ASIC2: variants seen among roughly 807,000 people sequenced by gnomAD.
ASIC2 encodes the protein acid-sensing ion channel 2.
Under a neutral mutation model 57.3 loss-of-function variants are expected in ASIC2, and 25 were observed. That is an observed-to-expected ratio of 0.44 (90% CI 0.32 to 0.61). ASIC2 has a LOEUF of 0.61. Ranked by LOEUF, ASIC2 falls within the 20% of genes least tolerant of loss-of-function variation. The pLI is 0.06. For synonymous variants in ASIC2, 319 were observed against 307.5 expected (o/e 1.04, Z -0.39); for missense variants, 641 against 738.1 (o/e 0.87, Z 1.52).
intron 1 of ASIC2, among the ~76,000 whole-genome samples, chr17:33,873,575 A>G (rs1276569868): frequency 6.6e-6 from 1 of 152,188 alleles, no homozygotes; most frequent in Non-Finnish European, 1.5e-5. Context: ...TACCTCTCTG[A>G]GCCTCAAAAT....
intron 1 of ASIC2, among the ~76,000 whole-genome samples, chr17:33,123,003 A>G (rs2092309062): frequency 6.6e-6 from 1 of 152,240 alleles, no homozygotes; most frequent in South Asian, 2.1e-4. Flanking sequence ...AGTATTGGTG[A>G]AGACGTAGAG....
At chr17:33,706,928 C>T (rs1366674264) in intron 1 of ASIC2, among the ~76,000 whole-genome samples, 3 of 152,146 alleles carry the variant, frequency 2.0e-5, no homozygotes, top group African/African-American at 4.8e-5. Context: ...TCTCTTTCTT[C>T]GTTGTGCCTC....
At chr17:33,636,730 C>T (rs1038298214) in intron 1 of ASIC2, among the ~76,000 whole-genome samples, 3 of 152,158 alleles carry the variant, frequency 2.0e-5, no homozygotes, top group Non-Finnish European at 2.9e-5. Flanking sequence ...TGCATACACA[C>T]ACAGCACTCA....
intron 1 of ASIC2, chr17:33,581,285 G>A (rs1904431258): frequency 6.6e-6 from 1 of 152,110 alleles, no homozygotes; most frequent in South Asian, 2.1e-4. Flanking sequence ...AGTTGAAAAC[G>A]ACCTAAGTGC....
chr17:34,110,883 T>C (rs1394462655), intron 1 of ASIC2, among the ~76,000 whole-genome samples: 5 of 152,196 alleles, frequency 3.3e-5, no homozygotes, highest in Admixed American at 6.5e-5. Flanking sequence ...TCTTCACTAG[T>C]AAAGGGCACA....
chr17:34,071,055 C>G (rs866509775), intron 1 of ASIC2: 1 of 152,130 alleles, frequency 6.6e-6, no homozygotes, highest in Non-Finnish European at 1.5e-5. Flanking sequence ...ACGTACTTCT[C>G]AGAAGTCCAG....
chr17:33,640,273 TAGAA>T (rs1906518090), intron 1 of ASIC2, among the ~76,000 whole-genome samples: 1 of 152,004 alleles, frequency 6.6e-6, no homozygotes, highest in Admixed American at 6.6e-5. Context: ...GCAAGATATC[TAGAA>T]AGAGAGTATT....
chr17:33,385,025 C>T (rs1390423188), intron 1 of ASIC2, among the ~76,000 whole-genome samples: 1 of 152,214 alleles, frequency 6.6e-6, no homozygotes, highest in Non-Finnish European at 1.5e-5. Context: ...TTATTAGCTG[C>T]ATGGGCTTGA....
At chr17:33,310,744 TG>T (rs1906378534) in intron 1 of ASIC2, among the ~76,000 whole-genome samples, 1 of 152,194 alleles carries the variant, frequency 6.6e-6, no homozygotes, top group African/African-American at 2.4e-5. Flanking sequence ...ATGCACCTGC[TG>T]ATTTCAGTGA....
chr17:33,974,254 T>G, intron 1 of ASIC2, among the ~76,000 whole-genome samples: 1 of 152,084 alleles, frequency 6.6e-6, no homozygotes, highest in East Asian at 1.9e-4. Context: ...CATGAGTAAT[T>G]CCCTCCCAAT....
At chr17:34,021,829 TTTGTTTTG>T in intron 1 of ASIC2, among the ~76,000 whole-genome samples, 1 of 133,214 alleles carries the variant, frequency 7.5e-6, no homozygotes, top group African/African-American at 3.6e-5. Flanking sequence ...GGTTTTGTGT[TTTGTTTTG>T]TTTTTTTTTT....
At chr17:33,044,635 A>G (rs2091944594) in intron 3 of ASIC2, among the ~76,000 whole-genome samples, 1 of 152,232 alleles carries the variant, frequency 6.6e-6, no homozygotes. Context: ...GGTTGGGATT[A>G]CAGGCATGAG....
At chr17:33,855,777 T>C (rs1913911406) in intron 1 of ASIC2, among the ~76,000 whole-genome samples, 1 of 152,156 alleles carries the variant, frequency 6.6e-6, no homozygotes, top group East Asian at 1.9e-4. Context: ...AGATGAAAGA[T>C]TGGGATGATC....
intron 1 of ASIC2, chr17:34,038,628 T>C (rs1907982818): frequency 6.3e-7 from 1 of 1,595,646 alleles, no homozygotes; most frequent in Admixed American, 1.7e-5. Flanking sequence ...ACTTCCCTGA[T>C]ATGTAGTTTT....
intron 1 of ASIC2, among the ~76,000 whole-genome samples, chr17:33,827,272 C>A (rs141107610): frequency 6.7e-6 from 1 of 150,148 alleles, no homozygotes; most frequent in Non-Finnish European, 1.5e-5. Flanking sequence ...GAGACAAAGA[C>A]AACATGTTTC....
At chr17:33,857,248 C>T (rs1191570028) in intron 1 of ASIC2, among the ~76,000 whole-genome samples, 1 of 152,090 alleles carries the variant, frequency 6.6e-6, no homozygotes, top group Non-Finnish European at 1.5e-5. Context: ...ACTCTAAACC[C>T]CAAAGGTCAA....
intron 1 of ASIC2, among the ~76,000 whole-genome samples, chr17:33,416,039 C>G (rs1307898017): frequency 6.6e-6 from 1 of 152,194 alleles, no homozygotes; most frequent in Admixed American, 6.5e-5. Context: ...GGCAGCACCT[C>G]TGGGCTCAGT....
intron 1 of ASIC2, among the ~76,000 whole-genome samples, chr17:33,178,331 G>T (rs535161041): frequency 2.6e-5 from 4 of 152,252 alleles, no homozygotes; most frequent in South Asian, 4.1e-4. Flanking sequence ...CCCTGGTTTA[G>T]ATAGAGAGAC....
chr17:34,137,860 G>T (rs1230741813), intron 1 of ASIC2, among the ~76,000 whole-genome samples: 3 of 152,048 alleles, frequency 2.0e-5, no homozygotes, highest in African/African-American at 7.3e-5. Flanking sequence ...TCTTACTCAT[G>T]AAGGCTTCAC....
Sources: gnomAD v4.1 joint callset for allele counts (sites outside exome capture counted in the v4.1 genomes callset) on GRCh38, gnomAD v4.1.1 for gene constraint, MANE v1.5 for transcripts, NCBI Gene and HGNC (gene_info 2026-07-23, HGNC 2026-07-21) for gene names.